Variants in AFAP1 observed in about 807,000 individuals in gnomAD.
AFAP1 encodes the protein actin filament associated protein 1.
A neutral mutation model predicts 93.9 loss-of-function variants in AFAP1; 75 were observed. The ratio of observed to expected loss-of-function variants is 0.80; its 90% confidence interval spans 0.66 to 0.97. AFAP1 has a LOEUF of 0.97. Ranked by LOEUF, AFAP1 falls within the 50% of genes least tolerant of loss-of-function variation. The probability of loss-of-function intolerance (pLI) is 0.00; values close to 1 mark genes in which losing one functional copy is unlikely to be tolerated. For missense variants in AFAP1, 1,201 were observed against 1,050.8 expected (o/e 1.14, Z -1.98); for synonymous variants, 517 against 430.7 (o/e 1.20, Z -2.48).
At chr4:7,788,525 A>C (rs1244660633) in intron 11 of AFAP1, 1 of 152,264 alleles carries the variant, frequency 6.6e-6, no homozygotes, top group Non-Finnish European at 1.5e-5. Flanking sequence ...TGCTTATAAA[A>C]AATTAATATA....
At chr4:7,838,480 G>A (rs141901492) in intron 6 of AFAP1, 44 bp downstream of exon 6, 24,050 of 1,560,340 alleles carry the variant, frequency 0.015, 219 homozygotes, top group Non-Finnish European at 0.019. Context: ...TCTCAGAAAG[G>A]CATGTGGAAC....
chr4:7,821,137 T>C (rs998112691), intron 6 of AFAP1, among the ~76,000 whole-genome samples: 2 of 152,084 alleles, frequency 1.3e-5, no homozygotes, highest in Non-Finnish European at 2.9e-5. Flanking sequence ...TATATATACA[T>C]ATATCTGTTA....
intron 1 of AFAP1, among the ~76,000 whole-genome samples, chr4:7,907,452 C>T (rs1028943494): frequency 6.6e-6 from 1 of 152,202 alleles, no homozygotes; most frequent in Non-Finnish European, 1.5e-5. Context: ...GATGGCCCAA[C>T]CCCTTCTTTG....
At chr4:7,909,597 C>T (rs1719620435) in intron 1 of AFAP1, among the ~76,000 whole-genome samples, 1 of 152,160 alleles carries the variant, frequency 6.6e-6, no homozygotes, top group Non-Finnish European at 1.5e-5. Flanking sequence ...GGCATTTAGG[C>T]AATTTCCACA....
intron 14 of AFAP1, chr4:7,777,688 A>G (rs138767437): frequency 1.9e-4 from 29 of 152,318 alleles, no homozygotes; most frequent in African/African-American, 6.3e-4. Context: ...CCAAGTGGCG[A>G]TGGCATGTAA....
chr4:7,777,242 A>C (rs1240266948), intron 14 of AFAP1: 7 of 152,214 alleles, frequency 4.6e-5, no homozygotes, highest in African/African-American at 1.7e-4. Flanking sequence ...TTCAGGAAAT[A>C]AGATTTGCCA....
In AFAP1 at chr4:7,831,762, G is replaced by C. The variant is rs575798558; in HGVS notation, c.726+6762C>G. On this transcript the variant is annotated intron_variant, in intron 6 of 17. Transcript: ENST00000420658. ...CCTTTTTTGGGTTTCCACTGAGGAA[G>C]AGCTAAGCACAGAACGCAGAAGGAT... 2.6e-5 allele frequency among the ~76,000 whole-genome samples: 4 copies of C among 152,324 alleles called. No individual in the cohort carries two copies. The East Asian group carries it at 7.7e-4, about 29-fold the overall frequency.
intron 8 of AFAP1, 47 bp downstream of exon 8, chr4:7,815,969 TTG>T (rs1230191076): frequency 5.3e-6 from 8 of 1,516,164 alleles, no homozygotes; most frequent in African/African-American, 2.9e-5. Context: ...ATTTTTGTTT[TTG>T]TTTTTTTTTT....
intron 1 of AFAP1, among the ~76,000 whole-genome samples, chr4:7,925,707 TGG>T (rs1720690652): frequency 6.6e-6 from 1 of 152,130 alleles, no homozygotes. Context: ...TAGCCAGGCA[TGG>T]TGGCGCATGC....
chr4:7,889,440 C>G (rs563281918), intron 1 of AFAP1, among the ~76,000 whole-genome samples: 24 of 146,472 alleles, frequency 1.6e-4, no homozygotes, highest in African/African-American at 6.1e-4. Context: ...CCCAGCTACT[C>G]GGGAGAGGAG....
At chr4:7,909,497 T>C (rs1719612878) in intron 1 of AFAP1, among the ~76,000 whole-genome samples, 1 of 152,216 alleles carries the variant, frequency 6.6e-6, no homozygotes, top group African/African-American at 2.4e-5. Flanking sequence ...TGTCAAATTA[T>C]TGTTTCATGA....
chr4:7,854,753 T>A (rs1050976729), intron 4 of AFAP1, among the ~76,000 whole-genome samples: 1 of 152,210 alleles, frequency 6.6e-6, no homozygotes, highest in African/African-American at 2.4e-5. Flanking sequence ...ATTCCATTAG[T>A]TGACATACAT....
chr4:7,806,551 A>G (rs1719532648), intron 9 of AFAP1, among the ~76,000 whole-genome samples: 1 of 152,168 alleles, frequency 6.6e-6, no homozygotes. Flanking sequence ...TGGAACAGAG[A>G]GCAGCAGCTG....
chr4:7,894,874 G>A (rs1718678544), intron 1 of AFAP1, among the ~76,000 whole-genome samples: 1 of 152,192 alleles, frequency 6.6e-6, no homozygotes, highest in South Asian at 2.1e-4. Context: ...GGGGAAGGAA[G>A]GGCCATGGGC....
chr4:7,786,124 T>G, intron 12 of AFAP1, 70 bp downstream of exon 12: 1 of 1,435,942 alleles, frequency 7.0e-7, no homozygotes, highest in South Asian at 1.2e-5. Context: ...CCAGGGGAAC[T>G]GAAGCACAGA....
rs778916445 is a variant in AFAP1, at chr4:7,891,743, TAAAAA to T, written c.-2-19668_-2-19664del. ...GTTGAACTTATAAATATGGTCTCAT[TAAAAA>T]AAAAAAAAAAAAAAAAAAGGCCGGG... is the stretch of plus-strand genomic sequence containing the variant. On this transcript the variant is annotated intron_variant, in intron 1 of 17. Transcript: ENST00000420658. 1.3e-4 allele frequency among the ~76,000 whole-genome samples: 8 copies of T among 62,804 alleles called. No homozygotes were observed. In the East Asian group the frequency reaches 1.7e-3, roughly 13 times the overall value. 41.2% of individuals were successfully genotyped at this position (62,804 alleles called of 152,430 possible).
intron 9 of AFAP1, among the ~76,000 whole-genome samples, chr4:7,805,483 A>G (rs1216861430): frequency 6.6e-6 from 1 of 152,160 alleles, no homozygotes; most frequent in Non-Finnish European, 1.5e-5. Context: ...ATGTTTTTAA[A>G]AAACATGTCG....
intron 12 of AFAP1, 67 bp from the exon 13 acceptor site, chr4:7,781,694 G>C: frequency 6.5e-7 from 1 of 1,528,978 alleles, no homozygotes; most frequent in East Asian, 2.5e-5. Flanking sequence ...AGCACAGTGA[G>C]ATGTCATTTA....
chr4:7,850,354 A>G (rs185488935), intron 4 of AFAP1, among the ~76,000 whole-genome samples: 132 of 152,320 alleles, frequency 8.7e-4, no homozygotes, highest in African/African-American at 3.0e-3. Flanking sequence ...GCAGCATTAC[A>G]TAATGTATTT....
Sources: allele counts gnomAD v4.1 joint callset (sites outside exome capture counted in the v4.1 genomes callset), GRCh38; gene constraint gnomAD v4.1.1; transcripts MANE v1.5; gene names NCBI Gene and HGNC (gene_info 2026-07-23, HGNC 2026-07-21).